Variants in ATP6V1C2 observed in about 807,000 individuals in gnomAD.
The protein encoded by ATP6V1C2 is ATPase H+ transporting V1 subunit C2.
A neutral mutation model predicts 56.8 loss-of-function variants in ATP6V1C2; 45 were observed. That is an observed-to-expected ratio of 0.79 (90% CI 0.62 to 1.02). The LOEUF is 1.02. ATP6V1C2 is among the 50% of genes least tolerant of loss of function. The pLI, the probability that ATP6V1C2 is intolerant of heterozygous loss-of-function variation, is 0.00. For synonymous variants in ATP6V1C2, 220 were observed against 201.3 expected (o/e 1.09, Z -0.79); for missense variants, 463 against 519.7 (o/e 0.89, Z 1.06).
chr2:10,726,528 C>T lies in ATP6V1C2; in HGVS notation c.156C>T (p.Gly52=), dbSNP rs115321601. The change falls in exon 3 of 14, where the codon GGC becomes GGT. Residue 52 remains glycine, a synonymous_variant. Coordinates refer to ENST00000272238, the MANE Select transcript of ATP6V1C2 (RefSeq NM_001039362.2). The stretch of plus-strand genomic sequence containing the variant: ...TGGGGACCTTGGATTCCCTGGTTGG[C>T]CTCTCTGATGAGTTGGGGAAACTCG... The part of the protein sequence containing the change: ...FKVGTLDSLV[G]LSDELGKLDT... The T allele has an allele frequency of 2.4e-3, 3,818 of 1,613,920 alleles. 86 individuals carry two copies. In the African/African-American group the frequency reaches 0.043, roughly 18 times the overall value.
At chr2:10,781,127 C>CA (rs1558430636) in intron 12 of ATP6V1C2, among the ~76,000 whole-genome samples, 8 of 152,124 alleles carry the variant, frequency 5.3e-5, no homozygotes. Context: ...CGGAAGAACT[C>CA]AGAGGCTGAG....
chr2:10,733,451 A>G (rs559599946), intron 3 of ATP6V1C2, among the ~76,000 whole-genome samples: 93 of 152,220 alleles, frequency 6.1e-4, no homozygotes, highest in African/African-American at 2.2e-3. Flanking sequence ...GTATTGTTTC[A>G]ATATCCTTTT....
intron 3 of ATP6V1C2, among the ~76,000 whole-genome samples, chr2:10,731,931 C>T (rs2148416361): frequency 1.3e-5 from 2 of 152,130 alleles, no homozygotes; most frequent in African/African-American, 2.4e-5. Context: ...AGAGATCACA[C>T]CACTGCACTC....
At chr2:10,772,414 G>A (rs1169872025) in intron 7 of ATP6V1C2, 128 bp from the exon 8 acceptor site, 1 of 797,014 alleles carries the variant, frequency 1.3e-6, no homozygotes, top group Non-Finnish European at 2.2e-6. Flanking sequence ...GGAGGTGAGG[G>A]CTCCCTCTGA....
At chr2:10,759,055 G>C (rs1572566268) in intron 4 of ATP6V1C2, among the ~76,000 whole-genome samples, 1 of 152,326 alleles carries the variant, frequency 6.6e-6, no homozygotes, top group East Asian at 1.9e-4. Context: ...CCATGAACTA[G>C]TGATTGACAG....
intron 3 of ATP6V1C2, among the ~76,000 whole-genome samples, chr2:10,743,237 C>T (rs1313463922): frequency 6.6e-6 from 1 of 151,592 alleles, no homozygotes; most frequent in African/African-American, 2.4e-5. Context: ...TACAGGCACA[C>T]CCCACTACCC....
intron 12 of ATP6V1C2, 127 bp downstream of exon 12, chr2:10,778,796 G>A (rs1665162656): frequency 2.3e-6 from 2 of 856,034 alleles, no homozygotes; most frequent in African/African-American, 1.7e-5. Context: ...GACTGTGGCT[G>A]TTGGCAACAC....
chr2:10,737,914 G>A (rs769660743), intron 3 of ATP6V1C2, among the ~76,000 whole-genome samples: 2 of 152,054 alleles, frequency 1.3e-5, no homozygotes, highest in Non-Finnish European at 2.9e-5. Context: ...GGTTGGTCTC[G>A]AACTCCTGAC....
Position 10,782,379 on chromosome 2 carries a change from G to T in ATP6V1C2, c.1194+4G>T. ...AGCCGCTACAAGTATACTGGATGTA[G>T]GTATCCAGAAACAGCAGTATTTCTA... On this transcript the variant is annotated splice_donor_region_variant and intron_variant, in intron 13 of 13. Coordinates refer to ENST00000272238, the MANE Select transcript of ATP6V1C2 (RefSeq NM_001039362.2). The T allele has an allele frequency of 6.2e-7, 1 of 1,613,698 alleles. No homozygotes were observed. The highest frequency in any genetic ancestry group is 8.5e-7 in the Non-Finnish European group (1 of 1,179,908).
rs1225016331 is a variant in ATP6V1C2 at position 10,740,930 on chromosome 2, G to A, written c.198-13051G>A. 1.4e-4 allele frequency among the ~76,000 whole-genome samples: 21 copies of A among 152,288 alleles called. No homozygotes were observed. The South Asian group carries it at 2.7e-3, about 20-fold the overall frequency. On this transcript the variant is annotated intron_variant, in intron 3 of 13. Coordinates refer to ENST00000272238, the MANE Select transcript of ATP6V1C2 (RefSeq NM_001039362.2). ...TCAAACTCCCGACCTCAGGTGATCC[G>A]CCCGCCTTGGCCTCCCAAAGTGCTG...
chr2:10,726,636 C>G, intron 3 of ATP6V1C2, 67 bp downstream of exon 3: 14 of 1,429,448 alleles, frequency 9.8e-6, no homozygotes, highest in Non-Finnish European at 1.4e-5. Context: ...ACACAGTGTT[C>G]TTGCTTTGGC....
In ATP6V1C2 at chr2:10,783,499, G is replaced by A. The variant is rs1665524795; in HGVS notation, c.*236G>A. 5 of 420,024 alleles carry A rather than the reference G, an allele frequency of 1.2e-5. No homozygotes were observed. The highest frequency in any genetic ancestry group is 8.1e-5 in the Admixed American group (2 of 24,628). 26.0% of individuals were successfully genotyped at this position (420,024 alleles called of 1,614,324 possible). A position where few individuals can be genotyped will look rare whatever the true frequency, so the allele number is the denominator to read the frequency against. On this transcript the variant is annotated 3_prime_UTR_variant, in exon 14 of 14. Coordinates refer to ENST00000272238, the MANE Select transcript of ATP6V1C2 (RefSeq NM_001039362.2). ...TTTTCTGAATGTTTTACATAAATGC[G>A]AACTACCTGTTCGCATTGGTAACCT... is the stretch of plus-strand genomic sequence containing the variant.
At chr2:10,777,240 C>T (rs553656419) in intron 10 of ATP6V1C2, among the ~76,000 whole-genome samples, 37 of 152,338 alleles carry the variant, frequency 2.4e-4, no homozygotes, top group African/African-American at 6.3e-4. Flanking sequence ...CGCAGAGAGC[C>T]GTTTCCACTA....
intron 3 of ATP6V1C2, among the ~76,000 whole-genome samples, chr2:10,735,153 T>C (rs1332824067): frequency 6.6e-6 from 1 of 152,236 alleles, no homozygotes; most frequent in African/African-American, 2.4e-5. Flanking sequence ...AACCTGTTTT[T>C]ACTTTTTTAA....
chr2:10,768,771 C>G lies in ATP6V1C2; in HGVS notation c.431C>G (p.Thr144Ser). 14 of 1,614,040 alleles carry G rather than the reference C, an allele frequency of 8.7e-6. No homozygotes were observed. Among genetic ancestry groups the G allele is most frequent in the Non-Finnish European group, 1.2e-5 (14 of 1,180,046 alleles). Residue 144 changes from threonine to serine, a missense_variant, in exon 6 of 14, where the codon ACT (threonine) becomes AGT (serine). Physicochemically the swap from Thr to Ser is moderately conservative, Grantham distance 58. Transcript: ENST00000272238. ...AAGTCCCGAACGGCCGCCTACAACA[C>G]TCTGAAGACAAACCTGGAGAACCTG... ...DLKSRTAAYN[T>S]LKTNLENLEK...
rs1409158667 is a variant in ATP6V1C2 at position 10,721,718 on chromosome 2, C to T, written c.-40C>T. 6.6e-6 allele frequency: 1 copy of T among 151,906 alleles called. No individual in the cohort carries two copies. Among genetic ancestry groups the T allele is most frequent in the Non-Finnish European group, 1.5e-5 (1 of 67,904 alleles). 9.4% of individuals were successfully genotyped at this position (151,906 alleles called of 1,614,324 possible). On this transcript the variant is annotated 5_prime_UTR_variant, in exon 1 of 14. Coordinates refer to ENST00000272238, the MANE Select transcript of ATP6V1C2 (RefSeq NM_001039362.2). ...CAGCCCCCTACCGCGCGGCCCGCGC[C>T]CCGCCGGCTCCCGGTAAGGACGCAC... is the stretch of plus-strand genomic sequence containing the variant.
chr2:10,761,184 G>A (rs1257758546), intron 4 of ATP6V1C2, among the ~76,000 whole-genome samples: 2 of 152,258 alleles, frequency 1.3e-5, no homozygotes, highest in East Asian at 3.9e-4. Flanking sequence ...GGGAGTTGTG[G>A]GGACTTGCCT....
At chr2:10,757,410 ACCT>A (rs1663620949) in intron 4 of ATP6V1C2, 1 of 391,458 alleles carries the variant, frequency 2.6e-6, no homozygotes, top group Admixed American at 4.7e-5. Context: ...TAATAACTCC[ACCT>A]TATTATATTG....
At chr2:10,738,021 G>T (rs563174524) in intron 3 of ATP6V1C2, among the ~76,000 whole-genome samples, 75 of 152,148 alleles carry the variant, frequency 4.9e-4, no homozygotes, top group Admixed American at 9.8e-4. Flanking sequence ...CTCGAAGGCT[G>T]CCCCTTTGTT....
Sources: gnomAD v4.1 joint callset for allele counts (sites outside exome capture counted in the v4.1 genomes callset) on GRCh38, gnomAD v4.1.1 for gene constraint, MANE v1.5 for transcripts, NCBI Gene and HGNC (gene_info 2026-07-23, HGNC 2026-07-21) for gene names.